The following RALB variants were observed in gnomAD, a reference collection of about 807,000 sequenced individuals.
RALB encodes the protein ras-related protein Ral-B.
A neutral mutation model predicts 21.3 loss-of-function variants in RALB; 16 were observed. The ratio of observed to expected loss-of-function variants is 0.75; its 90% CI spans 0.51 to 1.14. The LOEUF (loss-of-function observed/expected upper bound fraction) is 1.14, where lower values mean the gene tolerates loss of function less well. Ranked by LOEUF, RALB falls within the 50% of genes most tolerant of loss-of-function variation. The probability of loss-of-function intolerance (pLI) is 0.00; values close to 1 mark genes in which losing one functional copy is unlikely to be tolerated. For missense variants in RALB, 161 were observed against 256.2 expected, an observed-to-expected ratio of 0.63 and a Z score of 2.54; for synonymous variants, 93 against 96.1, an observed-to-expected ratio of 0.97 and a Z score of 0.19.
chr2:120,280,221 C>A (rs59815164), intron 2 of RALB, among the ~76,000 whole-genome samples: 3,449 of 152,196 alleles, frequency 0.023, 133 homozygotes, highest in African/African-American at 0.079. Flanking sequence ...CCAAAACTTT[C>A]ATTACTAGAA....
chr2:120,265,605 A>C (rs1689481833), intron 1 of RALB, among the ~76,000 whole-genome samples: 1 of 152,144 alleles, frequency 6.6e-6, no homozygotes, highest in Non-Finnish European at 1.5e-5. Flanking sequence ...ATCATACTTG[A>C]AGCTCTTCCC....
intron 1 of RALB, among the ~76,000 whole-genome samples, chr2:120,247,445 G>C (rs1180489281): frequency 3.3e-5 from 5 of 152,178 alleles, no homozygotes; most frequent in Admixed American, 3.3e-4. Flanking sequence ...CAATTCCCAG[G>C]AACATCTGGT....
intron 1 of RALB, among the ~76,000 whole-genome samples, chr2:120,254,365 GCTT>G (rs112558267): frequency 3.7e-4 from 56 of 152,320 alleles, no homozygotes; most frequent in African/African-American, 1.3e-3. Flanking sequence ...CACATCTGGG[GCTT>G]TCCTTCCTTG....
intron 1 of RALB, among the ~76,000 whole-genome samples, chr2:120,264,987 GTT>G (rs1374469477): frequency 1.3e-5 from 2 of 152,150 alleles, no homozygotes; most frequent in African/African-American, 4.8e-5. Flanking sequence ...TGATTTATCT[GTT>G]TATCTATTGA....
chr2:120,293,294 A>C lies in RALB; in HGVS notation c.*34A>C. 1 of 1,596,412 alleles carries C rather than the reference A, an allele frequency of 6.3e-7. No homozygotes were observed. The highest frequency in any genetic ancestry group is 8.5e-7 in the Non-Finnish European group (1 of 1,170,818). Reference sequence around the variant, plus strand: ...GTGACGGATGAAGCCAGCTGCTCCTAAGGACACAGGGCTGGGTTGGTAAAG... The same window carrying C: ...GTGACGGATGAAGCCAGCTGCTCCTCAGGACACAGGGCTGGGTTGGTAAAG... On this transcript the variant is annotated 3_prime_UTR_variant, in exon 5 of 5. Transcript: ENST00000272519.
At chr2:120,291,385 T>C (rs536652027) in intron 4 of RALB, among the ~76,000 whole-genome samples, 92 of 152,298 alleles carry the variant, frequency 6.0e-4, no homozygotes, top group African/African-American at 1.6e-3. Context: ...TATTAAATTA[T>C]TTTCCAGCTG....
chr2:120,278,352 G>T (rs962661846), intron 1 of RALB, among the ~76,000 whole-genome samples: 35 of 151,954 alleles, frequency 2.3e-4, no homozygotes, highest in Non-Finnish European at 4.0e-4. Flanking sequence ...TGGTGACTGG[G>T]TGTCCTCTCC....
intron 1 of RALB, among the ~76,000 whole-genome samples, chr2:120,275,842 C>T (rs10188430): frequency 0.69 from 105,561 of 151,918 alleles, 37,272 homozygotes; most frequent in Middle Eastern, 0.8. Context: ...AGGTTTAGAG[C>T]AGAAATTGAA....
rs1690372890 is a variant in RALB, at chr2:120,294,327, A to G, written c.*1067A>G. The G allele has an allele frequency of 1.8e-5, 7 of 398,782 alleles. No homozygotes were observed. 24.7% of individuals were successfully genotyped at this position (398,782 alleles called of 1,614,324 possible). A position where few individuals can be genotyped will look rare whatever the true frequency, so the allele number is the denominator to read the frequency against. Reference sequence around the variant, plus strand: ...AATTAGAAGTAGAGAGAGATAAGCCATCGCCCCTTTGCCTCTGAGAATTGG... The same window carrying G: ...AATTAGAAGTAGAGAGAGATAAGCCGTCGCCCCTTTGCCTCTGAGAATTGG... On this transcript the variant is annotated 3_prime_UTR_variant, in exon 5 of 5. Coordinates refer to ENST00000272519, the MANE Select transcript of RALB (RefSeq NM_002881.3).
At chr2:120,286,788 C>G (rs1014111218) in intron 3 of RALB, among the ~76,000 whole-genome samples, 2 of 152,156 alleles carry the variant, frequency 1.3e-5, no homozygotes, top group Non-Finnish European at 2.9e-5. Flanking sequence ...CATGGTGCTT[C>G]CATAGTGAGT....
chr2:120,260,215 A>G (rs1184765637), intron 1 of RALB, among the ~76,000 whole-genome samples: 1 of 152,172 alleles, frequency 6.6e-6, no homozygotes, highest in Non-Finnish European at 1.5e-5. Flanking sequence ...CAGTGGGGGG[A>G]CTGAAGGGCT....
upstream of RALB, among the ~76,000 whole-genome samples, chr2:120,249,549 G>C (rs1200343906): frequency 6.6e-6 from 1 of 152,138 alleles, no homozygotes; most frequent in Non-Finnish European, 1.5e-5. Context: ...GATAAGAATA[G>C]GCGGGGAGGT....
chr2:120,275,740 A>G (rs926600017), intron 1 of RALB, among the ~76,000 whole-genome samples: 1 of 151,964 alleles, frequency 6.6e-6, no homozygotes, highest in Non-Finnish European at 1.5e-5. Flanking sequence ...TAGAATGAAC[A>G]CTCTCGTAAA....
In RALB at chr2:120,293,471, G is replaced by T; in HGVS notation, c.*211G>T. 1 of 362,116 alleles carries T rather than the reference G, an allele frequency of 2.8e-6. No homozygotes were observed. 22.4% of individuals were successfully genotyped at this position (362,116 alleles called of 1,614,324 possible). ...GGAAGGGCTGCTTTGTCAGGAGGTT[G>T]TGGAATTTCTTTCTTCTCCCCTTCT... On this transcript the variant is annotated 3_prime_UTR_variant, in exon 5 of 5. Coordinates refer to ENST00000272519, the MANE Select transcript of RALB (RefSeq NM_002881.3).
chr2:120,280,667 C>T (rs2104642370), intron 2 of RALB, among the ~76,000 whole-genome samples: 1 of 151,032 alleles, frequency 6.6e-6, no homozygotes, highest in Middle Eastern at 3.4e-3. Flanking sequence ...TGTATACCTA[C>T]ATAACCTGCA....
At chr2:120,274,716 G>T (rs1486351135) in intron 1 of RALB, among the ~76,000 whole-genome samples, 1 of 152,080 alleles carries the variant, frequency 6.6e-6, no homozygotes, top group Non-Finnish European at 1.5e-5. Flanking sequence ...TATGAGCATC[G>T]TTACTTTTAA....
At chr2:120,259,706 G>C (rs1449342294) in intron 1 of RALB, among the ~76,000 whole-genome samples, 1 of 152,250 alleles carries the variant, frequency 6.6e-6, no homozygotes, top group African/African-American at 2.4e-5. Flanking sequence ...ATCCCGCACC[G>C]GGGCTGCAGG....
intron 1 of RALB, among the ~76,000 whole-genome samples, chr2:120,276,630 A>C (rs1205559864): frequency 2.0e-5 from 3 of 151,794 alleles, no homozygotes; most frequent in African/African-American, 7.3e-5. Flanking sequence ...AAAAGGAGGA[A>C]GTTCTGCCGA....
chr2:120,267,219 C>T (rs1038486998), intron 1 of RALB, among the ~76,000 whole-genome samples: 12 of 151,592 alleles, frequency 7.9e-5, no homozygotes, highest in Admixed American at 4.6e-4. Flanking sequence ...TTGGAGGGGG[C>T]GCGTGGGAAG....
Sources: allele counts gnomAD v4.1 joint callset (sites outside exome capture counted in the v4.1 genomes callset), GRCh38; gene constraint gnomAD v4.1.1; transcripts MANE v1.5; gene names NCBI Gene and HGNC (gene_info 2026-07-23, HGNC 2026-07-21).